ULK4: variants seen among roughly 807,000 people sequenced by gnomAD.
The protein encoded by ULK4 is inactive serine/threonine-protein kinase ULK4.
In ULK4, 133 loss-of-function variants were observed where a neutral mutation model predicts 160.6. That is an observed-to-expected ratio of 0.83 (90% CI 0.72 to 0.96). The LOEUF is 0.96. ULK4 is among the 40% of genes least tolerant of loss of function. ULK4 has a pLI of 0.00. For synonymous variants in ULK4, 534 were observed against 539.8 expected (o/e 0.99, Z 0.15); for missense variants, 1,580 against 1,499.5 (o/e 1.05, Z -0.89).
intron 32 of ULK4, among the ~76,000 whole-genome samples, chr3:41,536,228 CT>C (rs1400107004): frequency 6.6e-6 from 1 of 152,072 alleles, no homozygotes; most frequent in African/African-American, 2.4e-5. Context: ...GCTTTGTATC[CT>C]CTGCAGGATA....
chr3:41,574,758 G>A (rs2088130195), intron 31 of ULK4, among the ~76,000 whole-genome samples: 1 of 152,050 alleles, frequency 6.6e-6, no homozygotes, highest in Non-Finnish European at 1.5e-5. Flanking sequence ...GTGTTAGCCA[G>A]GATGGTCTCA....
At chr3:41,611,559 T>C (rs1291606006) in intron 31 of ULK4, among the ~76,000 whole-genome samples, 1 of 152,124 alleles carries the variant, frequency 6.6e-6, no homozygotes, top group Non-Finnish European at 1.5e-5. Context: ...AAAAACCTCA[T>C]TGGTGAAAAC....
chr3:41,692,740 A>G (rs1237712802), intron 27 of ULK4, among the ~76,000 whole-genome samples: 2 of 152,184 alleles, frequency 1.3e-5, no homozygotes, highest in Non-Finnish European at 2.9e-5. Context: ...CACTTGTGCT[A>G]AAGTTCATTT....
chr3:41,810,769 G>A (rs2040798795), intron 19 of ULK4, among the ~76,000 whole-genome samples: 1 of 152,094 alleles, frequency 6.6e-6, no homozygotes, highest in African/African-American at 2.4e-5. Context: ...TCAAACTGTT[G>A]GGCTAGTTCT....
At chr3:41,866,568 C>A (rs1239135246) in intron 17 of ULK4, among the ~76,000 whole-genome samples, 2 of 152,188 alleles carry the variant, frequency 1.3e-5, no homozygotes, top group Non-Finnish European at 2.9e-5. Context: ...AGAGCTCAGG[C>A]AGTAATGCTC....
intron 30 of ULK4, among the ~76,000 whole-genome samples, chr3:41,642,169 C>A (rs1239357653): frequency 6.6e-6 from 1 of 152,074 alleles, no homozygotes; most frequent in Non-Finnish European, 1.5e-5. Context: ...CCACTGCGCC[C>A]AGCCAATACG....
chr3:41,741,095 C>A (rs1040773098), intron 22 of ULK4, among the ~76,000 whole-genome samples: 1 of 151,902 alleles, frequency 6.6e-6, no homozygotes, highest in African/African-American at 2.4e-5. Flanking sequence ...TCTTAACCAA[C>A]TAGTACCCAT....
intron 21 of ULK4, among the ~76,000 whole-genome samples, chr3:41,785,745 T>C (rs1377502976): frequency 6.6e-6 from 1 of 152,160 alleles, no homozygotes; most frequent in Non-Finnish European, 1.5e-5. Context: ...GACACTCACT[T>C]TTCTTTAAGT....
intron 35 of ULK4, among the ~76,000 whole-genome samples, chr3:41,322,101 G>A (rs1481600989): frequency 2.1e-5 from 3 of 143,952 alleles, no homozygotes; most frequent in East Asian, 2.0e-4. Flanking sequence ...GCGCGATCTC[G>A]GCTCACTACA....
chr3:41,822,742 G>A (rs760087760), intron 18 of ULK4, among the ~76,000 whole-genome samples: 6 of 39,392 alleles, frequency 1.5e-4, no homozygotes, highest in African/African-American at 1.8e-4. Context: ...TTTTTTTTTT[G>A]AGACAGTCTC....
intron 27 of ULK4, among the ~76,000 whole-genome samples, chr3:41,687,506 A>G (rs2125800043): frequency 6.6e-6 from 1 of 152,310 alleles, no homozygotes; most frequent in Non-Finnish European, 1.5e-5. Flanking sequence ...ACAAGGTTAA[A>G]TTTCCTTAAG....
chr3:41,793,109 G>A (rs1464536213), intron 20 of ULK4, among the ~76,000 whole-genome samples: 1 of 151,714 alleles, frequency 6.6e-6, no homozygotes, highest in Admixed American at 6.6e-5. Flanking sequence ...GAAGGCGGAG[G>A]TTGCAATGAG....
intron 27 of ULK4, among the ~76,000 whole-genome samples, chr3:41,696,768 C>G (rs2125815873): frequency 1.3e-5 from 2 of 152,208 alleles, no homozygotes; most frequent in Middle Eastern, 3.4e-3. Context: ...AGAGAGTTAT[C>G]TTGGATTATT....
chr3:41,956,340 G>A (rs1047287685), intron 1 of ULK4, among the ~76,000 whole-genome samples: 2 of 152,162 alleles, frequency 1.3e-5, no homozygotes, highest in African/African-American at 2.4e-5. Flanking sequence ...TATTTGGACC[G>A]GGTATCTGTA....
At chr3:41,347,465 C>T (rs1308355063) in intron 35 of ULK4, among the ~76,000 whole-genome samples, 1 of 152,206 alleles carries the variant, frequency 6.6e-6, no homozygotes, top group Non-Finnish European at 1.5e-5. Context: ...TCTCCCAGAT[C>T]AGGTTCAGAT....
intron 32 of ULK4, among the ~76,000 whole-genome samples, chr3:41,506,363 C>A (rs948670597): frequency 2.6e-5 from 4 of 152,030 alleles, no homozygotes; most frequent in African/African-American, 9.7e-5. Context: ...TCTAACCTAG[C>A]TGAAAAGATG....
chr3:41,452,043 C>T (rs1468083585), intron 34 of ULK4, among the ~76,000 whole-genome samples: 2 of 152,172 alleles, frequency 1.3e-5, no homozygotes, highest in Non-Finnish European at 2.9e-5. Context: ...TACTCACCTT[C>T]CTCCCTGATT....
At chr3:41,542,556 T>C (rs985175711) in intron 32 of ULK4, among the ~76,000 whole-genome samples, 2 of 152,264 alleles carry the variant, frequency 1.3e-5, no homozygotes, top group South Asian at 2.1e-4. Context: ...GGGAGGATTC[T>C]CTCTTTTTCT....
chr3:41,545,191 G>T (rs1414797662), intron 32 of ULK4, among the ~76,000 whole-genome samples: 1 of 148,670 alleles, frequency 6.7e-6, no homozygotes, highest in African/African-American at 2.5e-5. Context: ...ACAAAAAAAA[G>T]GTATTCTTTC....
Sources: gnomAD v4.1 joint callset for allele counts (sites outside exome capture counted in the v4.1 genomes callset) on GRCh38, gnomAD v4.1.1 for gene constraint, MANE v1.5 for transcripts, NCBI Gene and HGNC (gene_info 2026-07-23, HGNC 2026-07-21) for gene names.